Variants in SNAP47 observed in about 807,000 individuals in gnomAD.
The protein encoded by SNAP47 is synaptosomal-associated protein 47.
Under a neutral mutation model 31.4 loss-of-function variants are expected in SNAP47, and 20 were observed. The observed-to-expected ratio is 0.64, with a 90% confidence interval of 0.45 to 0.93. SNAP47 has a LOEUF of 0.93. SNAP47 is among the 40% of genes least tolerant of loss of function. The pLI is 0.00. For synonymous variants in SNAP47, 194 were observed against 213.4 expected (o/e 0.91, Z 0.79); for missense variants, 492 against 528.5 (o/e 0.93, Z 0.68).
upstream of SNAP47, chr1:227,735,434 C>T: frequency 1.3e-6 from 2 of 1,507,464 alleles, no homozygotes; most frequent in Non-Finnish European, 1.8e-6. Context: ...CCGCGGTCTT[C>T]ACTGCGCAGG....
At chr1:227,735,054 G>T, upstream of SNAP47, 1 of 1,555,758 alleles carries the variant, frequency 6.4e-7, no homozygotes, top group Non-Finnish European at 8.7e-7. Context: ...CTCCCCGCGG[G>T]CGTCACCCAG....
At chr1:227,772,953 A>G (rs7552193) in intron 4 of SNAP47, among the ~76,000 whole-genome samples, 103,396 of 151,856 alleles carry the variant, frequency 0.68, 36,808 homozygotes, top group African/African-American at 0.9. Flanking sequence ...TAGCTTTGTC[A>G]TAAGGTTTTT....
chr1:227,778,800 C>T (rs911673204), intron 4 of SNAP47, among the ~76,000 whole-genome samples: 6 of 152,200 alleles, frequency 3.9e-5, no homozygotes, highest in Admixed American at 2.6e-4. Flanking sequence ...CCACTGACCC[C>T]ACCATATACT....
Position 227,735,722 on chromosome 1 carries a change from G to A in SNAP47, c.-46+223G>A, listed in dbSNP as rs1471274511. The A allele has an allele frequency of 5.1e-6, 5 of 983,630 alleles. No homozygotes were observed. In the African/African-American group the frequency reaches 7.0e-5, roughly 14 times the overall value. 60.9% of individuals were successfully genotyped at this position (983,630 alleles called of 1,614,324 possible). A position where few individuals can be genotyped will look rare whatever the true frequency, so the allele number is the denominator to read the frequency against. On this transcript the variant is annotated intron_variant, in intron 1 of 4. Transcript: ENST00000617596. Reference sequence around the variant, plus strand: ...GGGCGCCCAGGGATGATGGGACCCGGAGAGAACGGTGGGACCCAGAGGGAG... The same window carrying A: ...GGGCGCCCAGGGATGATGGGACCCGAAGAGAACGGTGGGACCCAGAGGGAG...
chr1:227,750,366 T>A (rs1161967546), intron 2 of SNAP47, among the ~76,000 whole-genome samples: 1 of 152,260 alleles, frequency 6.6e-6, no homozygotes, highest in East Asian at 1.9e-4. Context: ...CTGCCCACAT[T>A]ACAGGCCGAG....
intron 4 of SNAP47, chr1:227,776,275 C>T: frequency 2.0e-6 from 2 of 1,018,714 alleles, no homozygotes; most frequent in Non-Finnish European, 2.4e-6. Flanking sequence ...CAGGGCCAGC[C>T]TGGATTGTAC....
chr1:227,779,105 G>T (rs906199714), intron 4 of SNAP47, among the ~76,000 whole-genome samples: 3 of 139,404 alleles, frequency 2.2e-5, no homozygotes, highest in African/African-American at 7.4e-5. Context: ...AGCCACCCTG[G>T]CTGGGCCCAT....
chr1:227,760,152 CAG>C (rs1410569538), intron 3 of SNAP47, among the ~76,000 whole-genome samples: 2 of 152,204 alleles, frequency 1.3e-5, no homozygotes, highest in Non-Finnish European at 2.9e-5. Context: ...TGCTACGACA[CAG>C]AAAGGGCTTT....
upstream of SNAP47, chr1:227,734,516 T>C (rs1005104494): frequency 1.3e-6 from 1 of 775,204 alleles, no homozygotes; most frequent in African/African-American, 1.7e-5. Flanking sequence ...ATCCAGTTTC[T>C]TTTAAACTGA....
chr1:227,766,026 C>T (rs1363980241), intron 3 of SNAP47, among the ~76,000 whole-genome samples: 2 of 152,114 alleles, frequency 1.3e-5, no homozygotes, highest in Non-Finnish European at 2.9e-5. Flanking sequence ...AAGAGTGCAC[C>T]CCCAGGTATC....
rs534655490 is a variant in SNAP47, at chr1:227,779,704, G to A, written c.1114-823G>A. ...ACCTAGGCTGAGTGTGTAAAGCAGC[G>A]CTTCACAGTGTGGTTCACCTTCCTA... On this transcript the variant is annotated intron_variant, in intron 4 of 4. Transcript: ENST00000617596. 4.6e-5 allele frequency among the ~76,000 whole-genome samples: 7 copies of A among 152,260 alleles called. No individual in the cohort carries two copies. In the East Asian group the frequency reaches 9.7e-4, roughly 21 times the overall value.
chr1:227,760,843 G>A (rs1663012914), intron 3 of SNAP47, among the ~76,000 whole-genome samples: 1 of 152,226 alleles, frequency 6.6e-6, no homozygotes, highest in South Asian at 2.1e-4. Context: ...TGGCTTTAGA[G>A]GCTATAGCCA....
At chr1:227,768,977 G>A (rs1663616007) in intron 4 of SNAP47, among the ~76,000 whole-genome samples, 1 of 152,268 alleles carries the variant, frequency 6.6e-6, no homozygotes, top group Non-Finnish European at 1.5e-5. Flanking sequence ...AATTTTACCT[G>A]TTAATTGCAA....
chr1:227,734,746 A>G, upstream of SNAP47: 1 of 1,614,092 alleles, frequency 6.2e-7, no homozygotes, highest in Non-Finnish European at 8.5e-7. Context: ...AGTCTCTGAG[A>G]GTCATGTGCT....
intron 1 of SNAP47, 117 bp downstream of exon 1, chr1:227,735,616 G>C (rs1661078026): frequency 7.6e-7 from 1 of 1,324,190 alleles, no homozygotes; most frequent in African/African-American, 1.5e-5. Context: ...CCGCATCCCC[G>C]GGGGGTGGGG....
rs1210598198 is a variant in SNAP47 at position 227,780,697 on chromosome 1, G to T, written c.*24G>T. ...AGGGGCAGAACGTCCCTGCATTCCT[G>T]TCTCACCCTGCACATCCCGCTGAGA... On this transcript the variant is annotated 3_prime_UTR_variant, in exon 5 of 5. Transcript: ENST00000617596. 1.2e-6 allele frequency: 2 copies of T among 1,613,492 alleles called. No homozygotes were observed. Among genetic ancestry groups the T allele is most frequent in the Non-Finnish European group, 1.7e-6 (2 of 1,179,736 alleles).
At chr1:227,769,756 T>G (rs543835625) in intron 4 of SNAP47, among the ~76,000 whole-genome samples, 87 of 152,290 alleles carry the variant, frequency 5.7e-4, no homozygotes, top group African/African-American at 2.0e-3. Flanking sequence ...ACAGAGCCCC[T>G]GACTTGCTTC....
At chr1:227,733,593 G>C, upstream of SNAP47, 1 of 1,608,006 alleles carries the variant, frequency 6.2e-7, no homozygotes, top group Non-Finnish European at 8.5e-7. Context: ...GCCTCTTCCT[G>C]CCCTGGGGGG....
upstream of SNAP47, chr1:227,732,218 C>G (rs1248980900): frequency 2.8e-6 from 2 of 705,020 alleles, no homozygotes; most frequent in Admixed American, 2.8e-5. Flanking sequence ...GGTCCCTGAC[C>G]TCATTGGGCC....
Sources: allele counts gnomAD v4.1 joint callset (sites outside exome capture counted in the v4.1 genomes callset), GRCh38; gene constraint gnomAD v4.1.1; transcripts MANE v1.5; gene names NCBI Gene and HGNC (gene_info 2026-07-23, HGNC 2026-07-21).